MMP2: variants seen among roughly 807,000 people sequenced by gnomAD.
MMP2 encodes the protein matrix metallopeptidase 2, also known as 72 kDa type IV collagenase.
MMP2 carries 39 observed loss-of-function variants against 74.8 expected under a neutral mutation model. That is an observed-to-expected ratio of 0.52 (90% CI 0.40 to 0.68). MMP2 has a LOEUF of 0.68. Among genes scored for constraint, MMP2 ranks in the 30% least tolerant of loss-of-function variants. The pLI, the probability that MMP2 is intolerant of heterozygous loss-of-function variation, is 0.00. For missense variants in MMP2, 803 were observed against 878.3 expected (o/e 0.91, Z 1.08); for synonymous variants, 367 against 339.8 (o/e 1.08, Z -0.88).
intron 1 of MMP2, 31 bp from the exon 2 acceptor site, chr16:55,482,878 T>C: frequency 6.3e-7 from 1 of 1,590,026 alleles, no homozygotes; most frequent in East Asian, 2.2e-5. Flanking sequence ...CTAATGTGGC[T>C]AATTGCCTTG....
chr16:55,491,998 G>C (rs756950593), intron 8 of MMP2, 42 bp downstream of exon 8: 7 of 1,402,044 alleles, frequency 5.0e-6, no homozygotes, highest in Non-Finnish European at 7.0e-6. Flanking sequence ...GGTGAGGAGG[G>C]GGGAGGTCAT....
In MMP2 at chr16:55,492,066, T is replaced by G. The variant is rs1304470548; in HGVS notation, c.1336+110T>G. 1.1e-5 allele frequency: 12 copies of G among 1,099,444 alleles called. No homozygotes were observed. The East Asian group carries it at 1.5e-4, about 14-fold the overall frequency. The allele number at this position is 1,099,444 out of a possible 1,614,324, so 68.1% of individuals were successfully genotyped here. ...CAGCAAGATCTCATCCAGCCAGGAG[T>G]GCTGGAGACGAGGGCAGGAAATGGG... is the stretch of plus-strand genomic sequence containing the variant. On this transcript the variant is annotated intron_variant, in intron 8 of 12. Transcript: ENST00000219070.
chr16:55,502,745 GC>G (rs1567382981), intron 11 of MMP2, 33 bp from the exon 12 acceptor site: 2 of 1,579,446 alleles, frequency 1.3e-6, no homozygotes, highest in South Asian at 2.2e-5. Flanking sequence ...CTTTAGAGAG[GC>G]CCTGCTGGTT....
chr16:55,492,310 G>A (rs1394701494), intron 8 of MMP2, among the ~76,000 whole-genome samples: 14 of 152,150 alleles, frequency 9.2e-5, no homozygotes, highest in Middle Eastern at 3.2e-3. Context: ...GTACAGGACA[G>A]AATTTTCCAT....
At chr16:55,499,003 C>A (rs539501311) in intron 11 of MMP2, among the ~76,000 whole-genome samples, 1 of 152,028 alleles carries the variant, frequency 6.6e-6, no homozygotes, top group South Asian at 2.1e-4. Context: ...CCCATCTCTA[C>A]TAAAAATGCA....
chr16:55,482,803 C>A, intron 1 of MMP2, 106 bp from the exon 2 acceptor site: 1 of 972,070 alleles, frequency 1.0e-6, no homozygotes, highest in Non-Finnish European at 1.6e-6. Flanking sequence ...TATTTCCTGT[C>A]TGGACTATGG....
chr16:55,493,006 G>T, intron 8 of MMP2, 152 bp from the exon 9 acceptor site: 1 of 878,122 alleles, frequency 1.1e-6, no homozygotes, highest in South Asian at 1.5e-5. Flanking sequence ...CCCAAGTCCA[G>T]GCATCTTCTT....
In MMP2 at chr16:55,483,087, A is replaced by G. The variant is rs748014472; in HGVS notation, c.332A>G (p.Asn111Ser). The change falls in exon 2 of 13, where the codon AAC (asparagine) becomes AGC (serine). Residue 111 changes from asparagine to serine, a missense_variant. Physicochemically the swap from Asn to Ser is conservative, Grantham distance 46 (BLOSUM62 1). Around this residue, in one of 3 missense-constraint regions of MMP2, gnomAD observed 223 missense variants for 232.8 expected, o/e 0.96. Coordinates refer to ENST00000219070, the MANE Select transcript of MMP2 (RefSeq NM_004530.6). The stretch of plus-strand genomic sequence containing the variant: ...GGCAACCCAGATGTGGCCAACTACA[A>G]CTTCTTCCCTCGCAAGCCCAAGTGG... ...RCGNPDVANY[N>S]FFPRKPKWDK... is the part of the protein sequence containing the mutation. 7.1e-5 allele frequency: 114 copies of G among 1,613,864 alleles called. No individual in the cohort carries two copies. The highest frequency in any genetic ancestry group is 9.2e-5 in the Non-Finnish European group (109 of 1,179,992).
Position 55,489,918 on chromosome 16 carries a change from G to C in MMP2, c.1180+94G>C, listed in dbSNP as rs1251252126. On this transcript the variant is annotated intron_variant, in intron 7 of 12. Coordinates refer to ENST00000219070, the MANE Select transcript of MMP2 (RefSeq NM_004530.6). ...CTTCCTGAGACCTCACCCACTTCAA[G>C]CATAGACACTGCCCCCCAGACACCC... 4.3e-6 allele frequency: 6 copies of C among 1,404,108 alleles called. No homozygotes were observed. In the African/African-American group the frequency reaches 8.5e-5, roughly 20 times the overall value. 87.0% of individuals were successfully genotyped at this position (1,404,108 alleles called of 1,614,324 possible).
chr16:55,492,934 G>A (rs908665378), intron 8 of MMP2, among the ~76,000 whole-genome samples: 2 of 152,190 alleles, frequency 1.3e-5, no homozygotes, highest in Non-Finnish European at 2.9e-5. Flanking sequence ...GGGCTATAGA[G>A]AGGACTGATT....
intron 11 of MMP2, among the ~76,000 whole-genome samples, chr16:55,500,990 C>CA (rs1332862669): frequency 2.0e-5 from 3 of 152,232 alleles, no homozygotes; most frequent in African/African-American, 7.2e-5. Context: ...AGACGGGGGT[C>CA]AAAAAATCAT....
intron 5 of MMP2, chr16:55,488,237 C>A: frequency 2.2e-6 from 1 of 448,478 alleles, no homozygotes; most frequent in Non-Finnish European, 4.1e-6. Context: ...GTGGACCAGG[C>A]AGAATGGACA....
chr16:55,498,469 G>A, intron 11 of MMP2, 21 bp downstream of exon 11: 1 of 1,614,032 alleles, frequency 6.2e-7, no homozygotes, highest in Non-Finnish European at 8.5e-7. Flanking sequence ...GCGGTGGGTA[G>A]GACAGCAGCA....
Position 55,479,524 on chromosome 16 carries a change from G to T in MMP2, c.45G>T (p.Arg15Ser). The T allele has an allele frequency of 6.2e-7, 1 of 1,606,906 alleles. No homozygotes were observed. The highest frequency in any genetic ancestry group is 1.1e-5 in the South Asian group (1 of 90,238). ...MARGALTGPLRALCLLGCLLS... is the reference protein window; with the variant it reads ...MARGALTGPLSALCLLGCLLS... ...GGGGCGCGCTCACGGGTCCCCTGAG[G>T]GCGCTCTGTCTCCTGGGCTGCCTGC... The change falls in exon 1 of 13, where the codon AGG becomes AGT. Residue 15 changes from arginine to serine, a missense_variant. Transcript: ENST00000219070.
At chr16:55,481,692 G>C (rs573198737) in intron 1 of MMP2, 124 of 574,848 alleles carry the variant, frequency 2.2e-4, no homozygotes, top group Non-Finnish European at 3.4e-4. Flanking sequence ...AGGCAATGCA[G>C]TGGGGGCTTA....
At chr16:55,502,184 C>T (rs1596829844) in intron 11 of MMP2, among the ~76,000 whole-genome samples, 1 of 152,112 alleles carries the variant, frequency 6.6e-6, no homozygotes, top group East Asian at 1.9e-4. Flanking sequence ...TGGTCATCTC[C>T]CAGGGCAGGG....
chr16:55,489,658 C>G lies in MMP2; in HGVS notation c.1014C>G (p.Ser338=), dbSNP rs1265010226. Reference sequence around the variant, plus strand: ...GTATCCCTAACCCCACAGCCATGTCCACTGTTGGTGGGAACTCAGAAGGTG... The same window carrying G: ...GTATCCCTAACCCCACAGCCATGTCGACTGTTGGTGGGAACTCAGAAGGTG... ...KYGFCPETAM[S]TVGGNSEGAP... Residue 338 remains serine (S), a synonymous_variant, in exon 7 of 13, where the codon TCC becomes TCG. Coordinates refer to ENST00000219070, the MANE Select transcript of MMP2 (RefSeq NM_004530.6). 2.5e-6 allele frequency: 4 copies of G among 1,614,018 alleles called. No homozygotes were observed. Among genetic ancestry groups the G allele is most frequent in the Non-Finnish European group, 3.4e-6 (4 of 1,180,034 alleles).
chr16:55,489,573 G>A, intron 6 of MMP2, 78 bp from the exon 7 acceptor site: 1 of 1,560,748 alleles, frequency 6.4e-7, no homozygotes, highest in Non-Finnish European at 8.8e-7. Flanking sequence ...GTTCATTAAG[G>A]TCAGCGTCAT....
chr16:55,479,749 G>T (rs1420770812), intron 1 of MMP2, 117 bp downstream of exon 1: 1 of 1,327,374 alleles, frequency 7.5e-7, no homozygotes, highest in Non-Finnish European at 1.1e-6. Flanking sequence ...GAGGGGCTTC[G>T]GTAAACAGCT....
Sources: allele counts gnomAD v4.1 joint callset (sites outside exome capture counted in the v4.1 genomes callset), GRCh38; gene constraint gnomAD v4.1.1; regional missense constraint gnomAD v4.1.1; transcripts MANE v1.5; gene names NCBI Gene and HGNC (gene_info 2026-07-23, HGNC 2026-07-21).